CLVS1: variants seen among roughly 807,000 people sequenced by gnomAD.
CLVS1 encodes clavesin-1.
In CLVS1, 10 loss-of-function variants were observed where a neutral mutation model predicts 33.1. The ratio of observed to expected loss-of-function variants is 0.30; its 90% confidence interval spans 0.19 to 0.51. CLVS1 has a LOEUF of 0.51. CLVS1 is among the 20% of genes least tolerant of loss of function. CLVS1 has a pLI of 0.97. For synonymous variants in CLVS1, 163 were observed against 166.1 expected, an observed-to-expected ratio of 0.98 and a Z score of 0.14; for missense variants, 343 against 433.4, an observed-to-expected ratio of 0.79 and a Z score of 1.85.
chr8:61,477,346 A>G (rs1159066660), intron 5 of CLVS1, among the ~76,000 whole-genome samples: 2 of 151,948 alleles, frequency 1.3e-5, no homozygotes. Flanking sequence ...TTCTTTTCCT[A>G]TTGATTGGAA....
rs145651321 is a variant in CLVS1, at chr8:61,384,748, T to G, written c.630+7969T>G. Among the ~76,000 whole-genome samples, 571 of 152,236 alleles carry G rather than the reference T, an allele frequency of 3.8e-3. 5 individuals carry two copies. The highest frequency in any genetic ancestry group is 0.012 in the African/African-American group (502 of 41,546). On this transcript the variant is annotated intron_variant, in intron 3 of 5. Coordinates refer to ENST00000325897, the MANE Select transcript of CLVS1 (RefSeq NM_173519.3). ...GATGGATCCATAGATTTGGTGGTAC[T>G]TGAAATCAGAGGAAAGAAAAGACCA...
At chr8:61,189,388 A>T (rs1456416757) in intron 2 of CLVS1, among the ~76,000 whole-genome samples, 1 of 152,214 alleles carries the variant, frequency 6.6e-6, no homozygotes, top group African/African-American at 2.4e-5. Context: ...AAACATGGAA[A>T]GGAACAACCG....
rs1394110828 is a variant in CLVS1, at chr8:61,458,345, G to A, written c.780G>A (p.Gln260=). 6.2e-7 allele frequency: 1 copy of A among 1,614,072 alleles called. No individual in the cohort carries two copies. Among genetic ancestry groups the A allele is most frequent in the East Asian group, 2.2e-5 (1 of 44,884 alleles). Residue 260 remains glutamine (Q), a synonymous_variant, in exon 5 of 6, where the codon CAG becomes CAA. Coordinates refer to ENST00000325897, the MANE Select transcript of CLVS1 (RefSeq NM_173519.3). ...LHGNNLNSLH[Q]LIHPEFLPSE... Reference sequence around the variant, plus strand: ...GAAACAATTTAAACAGCCTTCACCAGCTAATACACCCTGAATTTTTGCCCT... The same window carrying A: ...GAAACAATTTAAACAGCCTTCACCAACTAATACACCCTGAATTTTTGCCCT...
chr8:61,413,575 CA>C (rs1232008200), intron 3 of CLVS1, among the ~76,000 whole-genome samples: 1 of 152,200 alleles, frequency 6.6e-6, no homozygotes, highest in Non-Finnish European at 1.5e-5. Flanking sequence ...AGAAAAACTG[CA>C]ACTGATTACA....
At position 61,246,167 on chromosome 8, in the gene CLVS1, CTTTTTTTTTTTTTTTTTT is replaced by C. The variant is rs1188366643; in HGVS notation, c.-151-53498_-151-53481del. Among the ~76,000 whole-genome samples the C allele has an allele frequency of 1.9e-3, 157 of 82,240 alleles. 2 individuals carry two copies. Among genetic ancestry groups the C allele is most frequent in the African/African-American group, 6.5e-3 (141 of 21,752 alleles). The allele number at this position is 82,240 out of a possible 152,430, so 54.0% of individuals were successfully genotyped here. On this transcript the variant is annotated intron_variant, in intron 2 of 2. Transcript: ENST00000522621. ...AAACCCTTTTTCTCTTCCTTCCCAA[CTTTTTTTTTTTTTTTTTT>C]TTTTTTTTTTTGAGACGGAGTCTCA...
chr8:60,977,830 A>G, the CLVS1 span, among the ~76,000 whole-genome samples: 1 of 151,002 alleles, frequency 6.6e-6, no homozygotes, highest in Admixed American at 6.6e-5. Flanking sequence ...TCCAAGAGGC[A>G]TAAACTCAAA....
At chr8:61,393,412 G>T (rs535782312) in intron 3 of CLVS1, among the ~76,000 whole-genome samples, 2 of 152,264 alleles carry the variant, frequency 1.3e-5, no homozygotes, top group East Asian at 1.9e-4. Flanking sequence ...GCGATTAAGA[G>T]ATTTCTTCTT....
At chr8:61,021,427 T>C in the CLVS1 span, among the ~76,000 whole-genome samples, 6 of 152,324 alleles carry the variant, frequency 3.9e-5, no homozygotes, top group Middle Eastern at 6.9e-3. Flanking sequence ...CTCAGTTTAC[T>C]GCAACCTCCA....
chr8:61,241,643 C>A (rs1000055949), intron 2 of CLVS1, among the ~76,000 whole-genome samples: 2 of 152,176 alleles, frequency 1.3e-5, no homozygotes, highest in Non-Finnish European at 2.9e-5. Context: ...GTACTACATC[C>A]ACATACATTG....
At chr8:61,133,405 G>A (rs1341087674) in intron 2 of CLVS1, among the ~76,000 whole-genome samples, 1 of 152,200 alleles carries the variant, frequency 6.6e-6, no homozygotes, top group East Asian at 1.9e-4. Context: ...AGTCCAGGAA[G>A]AAGCCGTGGC....
At chr8:60,978,641 C>A in the CLVS1 span, among the ~76,000 whole-genome samples, 1 of 151,372 alleles carries the variant, frequency 6.6e-6, no homozygotes, top group East Asian at 1.9e-4. Context: ...ATGGTGAAAC[C>A]CCGTCTCTAC....
intron 2 of CLVS1, among the ~76,000 whole-genome samples, chr8:61,189,007 C>T (rs1170459619): frequency 2.0e-5 from 3 of 151,800 alleles, no homozygotes; most frequent in African/African-American, 7.2e-5. Context: ...TGTAGCAAAA[C>T]TATAGAGAAA....
At chr8:61,359,460 A>T (rs994623108) in intron 2 of CLVS1, among the ~76,000 whole-genome samples, 25 of 151,866 alleles carry the variant, frequency 1.6e-4, no homozygotes, top group Admixed American at 1.4e-3. Flanking sequence ...GGTTCAAGTG[A>T]TTCTCCTGCC....
intron 2 of CLVS1, among the ~76,000 whole-genome samples, chr8:61,323,791 G>A (rs1563495880): frequency 6.6e-6 from 1 of 151,992 alleles, no homozygotes; most frequent in Admixed American, 6.6e-5. Flanking sequence ...TCAGTTTTCT[G>A]GCCCTCTCTC....
At chr8:61,057,930 C>T (rs1281361350) in intron 1 of CLVS1, among the ~76,000 whole-genome samples, 2 of 152,118 alleles carry the variant, frequency 1.3e-5, no homozygotes, top group East Asian at 1.9e-4. Context: ...GGCTTAGACT[C>T]GAAAATGTCT....
At chr8:61,222,231 A>G (rs1808232451) in intron 2 of CLVS1, among the ~76,000 whole-genome samples, 2 of 149,560 alleles carry the variant, frequency 1.3e-5, no homozygotes, top group Admixed American at 6.6e-5. Context: ...TACCTTTTGG[A>G]TTTGTTTGCT....
chr8:61,340,145 AAGTT>A (rs1405147120), intron 2 of CLVS1, among the ~76,000 whole-genome samples: 1 of 152,212 alleles, frequency 6.6e-6, no homozygotes, highest in East Asian at 1.9e-4. Context: ...CATTGCCAGA[AAGTT>A]AGGAGAGGAG....
At chr8:61,030,628 G>C in the CLVS1 span, among the ~76,000 whole-genome samples, 1 of 152,206 alleles carries the variant, frequency 6.6e-6, no homozygotes, top group Non-Finnish European at 1.5e-5. Flanking sequence ...CAGCAATGCA[G>C]TTTGTGCCGA....
chr8:61,186,225 G>T (rs1325528531), intron 2 of CLVS1, among the ~76,000 whole-genome samples: 1 of 152,136 alleles, frequency 6.6e-6, no homozygotes, highest in African/African-American at 2.4e-5. Flanking sequence ...ATCAAGTAAG[G>T]GCAAATGGGA....
Sources: gnomAD v4.1 joint callset for allele counts (sites outside exome capture counted in the v4.1 genomes callset) on GRCh38, gnomAD v4.1.1 for gene constraint, MANE v1.5 for transcripts, NCBI Gene and HGNC (gene_info 2026-07-23, HGNC 2026-07-21) for gene names.